Variants in RASA2 observed in about 807,000 individuals in gnomAD.
RASA2 encodes RAS p21 protein activator 2.
A neutral mutation model predicts 118.2 loss-of-function variants in RASA2; 155 were observed. That is an observed-to-expected ratio of 1.31 (90% CI 1.15 to 1.50). RASA2 has a LOEUF of 1.50. Ranked by LOEUF, RASA2 falls within the 40% of genes most tolerant of loss-of-function variation. RASA2 has a pLI of 0.00. For synonymous variants in RASA2, 353 were observed against 349.1 expected, an observed-to-expected ratio of 1.01 and a Z score of -0.12; for missense variants, 1,016 against 1,009.6, an observed-to-expected ratio of 1.01 and a Z score of -0.09.
Position 141,572,055 on chromosome 3 carries a change from TATATATAC to T in RASA2, c.1169+503_1169+510del, listed in dbSNP as rs1451143596. ...ATATATATATATATATATATATATA[TATATATAC>T]ACACACACACACACATATGTATTGA... On this transcript the variant is annotated intron_variant, in intron 11 of 23. Coordinates refer to ENST00000286364, the MANE Select transcript of RASA2 (RefSeq NM_006506.5). Among the ~76,000 whole-genome samples, 712 of 135,010 alleles carry T rather than the reference TATATATAC, an allele frequency of 5.3e-3. 5 individuals carry two copies. The highest frequency in any genetic ancestry group is 0.02 in the African/African-American group (686 of 33,942). The allele number at this position is 135,010 out of a possible 152,430, so 88.6% of individuals were successfully genotyped here.
At chr3:141,548,420 G>A (rs886637289) in intron 5 of RASA2, among the ~76,000 whole-genome samples, 1 of 150,904 alleles carries the variant, frequency 6.6e-6, no homozygotes, top group Non-Finnish European at 1.5e-5. Flanking sequence ...GGTTGTATAT[G>A]TCCAGGAATT....
intron 3 of RASA2, 74 bp from the exon 4 acceptor site, chr3:141,529,634 T>C: frequency 1.0e-6 from 1 of 995,302 alleles, no homozygotes; most frequent in Non-Finnish European, 1.5e-6. Flanking sequence ...TAAAGTATTA[T>C]ATAAAACAGT....
At chr3:141,491,759 CTTA>C (rs2151066599) in intron 1 of RASA2, among the ~76,000 whole-genome samples, 1 of 152,284 alleles carries the variant, frequency 6.6e-6, no homozygotes, top group African/African-American at 2.4e-5. Flanking sequence ...GCTCTGATTA[CTTA>C]TTATTAGGGC....
chr3:141,580,086 ATAT>A (rs1425312205), intron 15 of RASA2, among the ~76,000 whole-genome samples: 558 of 51,214 alleles, frequency 0.011, 8 homozygotes, highest in East Asian at 0.033. Flanking sequence ...AAAAAAAAAA[ATAT>A]ATATATATAT....
intron 1 of RASA2, among the ~76,000 whole-genome samples, chr3:141,495,804 G>A (rs1282313331): frequency 1.3e-5 from 2 of 152,234 alleles, no homozygotes; most frequent in East Asian, 3.9e-4. Flanking sequence ...AATTGGAGAC[G>A]ACTTAAATGT....
chr3:141,609,663 G>T, intron 22 of RASA2, 140 bp downstream of exon 22: 1 of 810,922 alleles, frequency 1.2e-6, no homozygotes, highest in South Asian at 2.6e-5. Context: ...AACCCACAGA[G>T]AGGCATTTTT....
rs182402423 is a variant in RASA2 at position 141,573,222 on chromosome 3, G to A, written c.1359+1G>A. On this transcript the variant is annotated splice_donor_variant, in intron 13 of 23. Coordinates refer to ENST00000286364, the MANE Select transcript of RASA2 (RefSeq NM_006506.5). LOFTEE classifies it high-confidence loss of function. ...GGGAGATAATGTAGAAAATAATAAGGTAAGTCCTTGTTATATTATTTATAA... is the reference window on the plus strand; with the variant it reads ...GGGAGATAATGTAGAAAATAATAAGATAAGTCCTTGTTATATTATTTATAA... The A allele has an allele frequency of 1.3e-6, 2 of 1,539,636 alleles. No individual in the cohort carries two copies. The highest frequency in any genetic ancestry group is 2.4e-5 in the East Asian group (1 of 40,906).
chr3:141,503,080 G>A (rs988398731), intron 1 of RASA2, among the ~76,000 whole-genome samples: 10 of 152,048 alleles, frequency 6.6e-5, no homozygotes, highest in South Asian at 2.1e-4. Context: ...CAGGGTTGTC[G>A]TACCGATCAA....
intron 5 of RASA2, among the ~76,000 whole-genome samples, chr3:141,552,027 T>C (rs76818720): frequency 0.022 from 3,379 of 152,216 alleles, 134 homozygotes; most frequent in African/African-American, 0.076. Context: ...ATGAATAACC[T>C]ATATTTAATA....
chr3:141,591,909 C>A (rs571590675), intron 19 of RASA2, among the ~76,000 whole-genome samples: 17 of 149,920 alleles, frequency 1.1e-4, no homozygotes, highest in Admixed American at 4.6e-4. Context: ...AGCTAAAGAA[C>A]AAAATACATC....
chr3:141,573,118 A>G, intron 12 of RASA2, 29 bp from the exon 13 acceptor site: 1 of 1,526,266 alleles, frequency 6.6e-7, no homozygotes, highest in Non-Finnish European at 8.8e-7. Flanking sequence ...CTTAGAAAAA[A>G]ATCATTAACT....
At chr3:141,582,338 A>C (rs2083128273) in intron 17 of RASA2, among the ~76,000 whole-genome samples, 1 of 152,238 alleles carries the variant, frequency 6.6e-6, no homozygotes, top group Non-Finnish European at 1.5e-5. Flanking sequence ...TTTGAGGAGA[A>C]AGTCTTTCAA....
intron 3 of RASA2, chr3:141,525,873 G>C (rs960827857): frequency 3.3e-5 from 5 of 151,972 alleles, no homozygotes; most frequent in Non-Finnish European, 7.4e-5. Flanking sequence ...AACAATCTTT[G>C]GGACTATTAG....
Position 141,612,521 on chromosome 3 carries a change from T to A in RASA2, c.*208T>A. The A allele has an allele frequency of 2.1e-6, 1 of 478,634 alleles. No individual in the cohort carries two copies. The highest frequency in any genetic ancestry group is 3.8e-5 in the East Asian group (1 of 26,622). 29.6% of individuals were successfully genotyped at this position (478,634 alleles called of 1,614,324 possible). ...TACTAGAGAATTTAAAGCCCAAGAT[T>A]CCCTTCATACCTGTGTGACCAAATC... On this transcript the variant is annotated 3_prime_UTR_variant, in exon 24 of 24. Coordinates refer to ENST00000286364, the MANE Select transcript of RASA2 (RefSeq NM_006506.5).
At chr3:141,501,681 T>G (rs2081783614) in intron 1 of RASA2, among the ~76,000 whole-genome samples, 1 of 152,200 alleles carries the variant, frequency 6.6e-6, no homozygotes, top group African/African-American at 2.4e-5. Context: ...TTGCAAAAAT[T>G]GAAATTAAAC....
At chr3:141,547,790 TC>T (rs2082508453) in intron 5 of RASA2, among the ~76,000 whole-genome samples, 3 of 152,198 alleles carry the variant, frequency 2.0e-5, no homozygotes, top group Non-Finnish European at 4.4e-5. Context: ...TTTCAGTTGT[TC>T]CCCATTCAGT....
chr3:141,602,810 T>C (rs1475430328), intron 19 of RASA2, among the ~76,000 whole-genome samples: 1 of 152,194 alleles, frequency 6.6e-6, no homozygotes, highest in Admixed American at 6.5e-5. Context: ...AGAGAATACA[T>C]TCAGAGTCAC....
At position 141,603,034 on chromosome 3, in the gene RASA2, C is replaced by T. The variant is rs1431845858; in HGVS notation, c.1934-4644C>T. On this transcript the variant is annotated intron_variant, in intron 19 of 23. Transcript: ENST00000286364. ...GCCTAACTTGGGGATAATGGAAACACCCCCAGGTAGGAAGACCATAAATCC... is the reference window on the plus strand; with the variant it reads ...GCCTAACTTGGGGATAATGGAAACATCCCCAGGTAGGAAGACCATAAATCC... Among the ~76,000 whole-genome samples, 7 of 152,276 alleles carry T rather than the reference C, an allele frequency of 4.6e-5. No individual in the cohort carries two copies. In the South Asian group the frequency reaches 1.5e-3, roughly 32 times the overall value.
Position 141,587,158 on chromosome 3 carries a change from CCA to C in RASA2, c.1933+409_1933+410del, listed in dbSNP as rs367785273. On this transcript the variant is annotated intron_variant, in intron 19 of 23. Coordinates refer to ENST00000286364, the MANE Select transcript of RASA2 (RefSeq NM_006506.5). The stretch of plus-strand genomic sequence containing the variant: ...GCTGGGAAATATCAGCCAAAAATTC[CCA>C]CAGTTATACCATAGATTGTGATCCC... 2.4e-4 allele frequency among the ~76,000 whole-genome samples: 37 copies of C among 152,258 alleles called. 2 individuals carry two copies. The highest frequency in any genetic ancestry group is 8.7e-4 in the African/African-American group (36 of 41,556).
Sources: allele counts gnomAD v4.1 joint callset (sites outside exome capture counted in the v4.1 genomes callset), GRCh38; gene constraint gnomAD v4.1.1; transcripts MANE v1.5; gene names NCBI Gene and HGNC (gene_info 2026-07-23, HGNC 2026-07-21).